The following CNTNAP2 variants were observed in gnomAD, a reference collection of about 807,000 sequenced individuals.
CNTNAP2 encodes contactin associated protein 2.
CNTNAP2 carries 98 observed loss-of-function variants against 155.2 expected under a neutral mutation model. That is an observed-to-expected ratio of 0.63 (90% CI 0.54 to 0.75). The LOEUF is 0.75. CNTNAP2 is among the 30% of genes least tolerant of loss of function. CNTNAP2 has a pLI of 0.00. For synonymous variants in CNTNAP2, 651 were observed against 631.2 expected, an observed-to-expected ratio of 1.03 and a Z score of -0.47; for missense variants, 1,727 against 1,688.1, an observed-to-expected ratio of 1.02 and a Z score of -0.40.
At chr7:146,526,664 C>T (rs1489177877) in intron 1 of CNTNAP2, among the ~76,000 whole-genome samples, 1 of 152,152 alleles carries the variant, frequency 6.6e-6, no homozygotes, top group Non-Finnish European at 1.5e-5. Flanking sequence ...TGGGGATGTA[C>T]ATTCAAACTG....
At chr7:147,875,061 A>G (rs527496229) in intron 13 of CNTNAP2, among the ~76,000 whole-genome samples, 3 of 152,292 alleles carry the variant, frequency 2.0e-5, no homozygotes, top group East Asian at 1.9e-4. Context: ...ACTTTCCTAC[A>G]TCGTCCTGTC....
intron 10 of CNTNAP2, among the ~76,000 whole-genome samples, chr7:147,407,500 AAAAAG>A (rs1797028722): frequency 4.5e-5 from 6 of 133,246 alleles, no homozygotes; most frequent in Admixed American, 7.6e-5. Flanking sequence ...AAAAAAAAAA[AAAAAG>A]AAATACCATA....
chr7:147,527,319 G>A (rs910704391), intron 11 of CNTNAP2, among the ~76,000 whole-genome samples: 57 of 152,094 alleles, frequency 3.7e-4, no homozygotes, highest in African/African-American at 1.2e-3. Flanking sequence ...AACTGTGCCC[G>A]GCCAAGACAG....
At chr7:148,047,945 A>T (rs1802803302) in intron 15 of CNTNAP2, among the ~76,000 whole-genome samples, 1 of 151,168 alleles carries the variant, frequency 6.6e-6, no homozygotes, top group African/African-American at 2.4e-5. Flanking sequence ...TTGTTTTGAG[A>T]CAGAGTCTCG....
At chr7:148,051,240 A>T (rs2116494680) in intron 15 of CNTNAP2, among the ~76,000 whole-genome samples, 1 of 152,320 alleles carries the variant, frequency 6.6e-6, no homozygotes, top group South Asian at 2.1e-4. Flanking sequence ...TGGGCCAAAT[A>T]TCATTTTTGT....
At chr7:147,301,592 CTG>C (rs10585570) in intron 9 of CNTNAP2, among the ~76,000 whole-genome samples, 5,413 of 101,340 alleles carry the variant, frequency 0.053, 148 homozygotes, top group Middle Eastern at 0.099. Flanking sequence ...CTCTCTCTCT[CTG>C]TGTGTGTGTG....
rs571804738 is a variant in CNTNAP2, at chr7:147,943,628, G to A, written c.2256-34234G>A. Among the ~76,000 whole-genome samples the A allele has an allele frequency of 1.3e-4, 20 of 151,882 alleles. No individual in the cohort carries two copies. In the South Asian group the frequency reaches 3.5e-3, roughly 27 times the overall value. On this transcript the variant is annotated intron_variant, in intron 14 of 23. Transcript: ENST00000361727. ...TACTAAAAATAGAAACATTATCTGG[G>A]CGTGGTGGCACAGGCTTGTAATCCC...
rs781692704 is a variant in CNTNAP2, at chr7:146,590,610, A to G, written c.98-183661A>G. On this transcript the variant is annotated intron_variant, in intron 1 of 23. Coordinates refer to ENST00000361727, the MANE Select transcript of CNTNAP2 (RefSeq NM_014141.6). ...ATTTGAGTGCCACCATGACATCACA[A>G]GTGGAAAATTCCACACTGGACCTTG... Among the ~76,000 whole-genome samples the G allele has an allele frequency of 4.7e-4, 72 of 152,210 alleles. 2 individuals are homozygous for G. The highest frequency in any genetic ancestry group is 1.3e-4 in the Non-Finnish European group (9 of 68,042).
chr7:147,913,391 T>C (rs561914982), intron 14 of CNTNAP2, among the ~76,000 whole-genome samples: 27 of 152,278 alleles, frequency 1.8e-4, no homozygotes, highest in African/African-American at 6.3e-4. Context: ...TCTCAGGAAA[T>C]AGAGATTTTA....
At chr7:147,502,741 G>GTATA (rs71183011) in intron 11 of CNTNAP2, among the ~76,000 whole-genome samples, 7,817 of 99,806 alleles carry the variant, frequency 0.078, 261 homozygotes, top group Middle Eastern at 0.15. Flanking sequence ...GTGTGTGTGT[G>GTATA]TATATATATA....
intron 21 of CNTNAP2, among the ~76,000 whole-genome samples, chr7:148,281,712 T>C (rs887161730): frequency 3.9e-5 from 6 of 152,120 alleles, no homozygotes; most frequent in African/African-American, 1.4e-4. Flanking sequence ...TATTGCCTTA[T>C]AGAATCATAG....
At chr7:148,328,270 G>A (rs1445476679) in intron 21 of CNTNAP2, among the ~76,000 whole-genome samples, 4 of 152,064 alleles carry the variant, frequency 2.6e-5, no homozygotes, top group African/African-American at 4.8e-5. Context: ...TTGTTGGCCC[G>A]GGAAAGCTGG....
At chr7:147,166,868 A>T (rs1802123951) in intron 8 of CNTNAP2, among the ~76,000 whole-genome samples, 1 of 152,168 alleles carries the variant, frequency 6.6e-6, no homozygotes, top group Non-Finnish European at 1.5e-5. Context: ...GTGTACATGC[A>T]GGTCACAGGG....
At chr7:146,999,712 C>G (rs980620581) in intron 3 of CNTNAP2, among the ~76,000 whole-genome samples, 3 of 152,074 alleles carry the variant, frequency 2.0e-5, no homozygotes, top group Non-Finnish European at 4.4e-5. Context: ...CCTGCTCTCT[C>G]TTAGCCCGTA....
chr7:147,725,507 T>A (rs1796626106), intron 13 of CNTNAP2, among the ~76,000 whole-genome samples: 1 of 151,786 alleles, frequency 6.6e-6, no homozygotes, highest in Non-Finnish European at 1.5e-5. Context: ...GGAGAATATA[T>A]CATTATTAGT....
At chr7:146,266,794 GA>G (rs568726108) in intron 1 of CNTNAP2, among the ~76,000 whole-genome samples, 12 of 149,298 alleles carry the variant, frequency 8.0e-5, no homozygotes, top group South Asian at 4.2e-4. Flanking sequence ...AGATGTGATG[GA>G]AAAAAAAATG....
At chr7:147,203,745 A>C (rs927241671) in intron 8 of CNTNAP2, among the ~76,000 whole-genome samples, 6 of 152,194 alleles carry the variant, frequency 3.9e-5, no homozygotes, top group African/African-American at 9.6e-5. Context: ...TATAAAACAG[A>C]ATTCAAATTT....
chr7:147,125,411 A>G (rs1355500786), intron 6 of CNTNAP2, among the ~76,000 whole-genome samples: 2 of 152,170 alleles, frequency 1.3e-5, no homozygotes, highest in Admixed American at 6.5e-5. Flanking sequence ...ACCACCTGCA[A>G]TGAGGCTGCT....
At chr7:146,851,497 T>C (rs571632595) in intron 3 of CNTNAP2, among the ~76,000 whole-genome samples, 153 of 152,172 alleles carry the variant, frequency 1.0e-3, no homozygotes, top group Non-Finnish European at 9.9e-4. Context: ...AAATTTACTC[T>C]CTCACAGTTC....
Sources: gnomAD v4.1 joint callset for allele counts (sites outside exome capture counted in the v4.1 genomes callset) on GRCh38, gnomAD v4.1.1 for gene constraint, MANE v1.5 for transcripts, NCBI Gene and HGNC (gene_info 2026-07-23, HGNC 2026-07-21) for gene names.